SOX5: variants seen among roughly 807,000 people sequenced by gnomAD.
The protein encoded by SOX5 is transcription factor SOX-5.
A neutral mutation model predicts 92.0 loss-of-function variants in SOX5; 9 were observed. That is an observed-to-expected ratio of 0.10 (90% CI 0.06 to 0.17). The LOEUF is 0.17. Ranked by LOEUF, SOX5 falls within the 10% of genes least tolerant of loss-of-function variation. The pLI is 1.00. For missense variants in SOX5, 642 were observed against 944.5 expected (o/e 0.68, Z 4.20); for synonymous variants, 344 against 336.3 (o/e 1.02, Z -0.25).
At chr12:23,777,615 A>T (rs1460471329) in intron 3 of SOX5, among the ~76,000 whole-genome samples, 1 of 152,192 alleles carries the variant, frequency 6.6e-6, no homozygotes, top group Non-Finnish European at 1.5e-5. Flanking sequence ...TTATATATGC[A>T]TGCATATATT....
At chr12:24,283,675 T>A (rs1451475553) in intron 2 of SOX5, among the ~76,000 whole-genome samples, 6 of 152,204 alleles carry the variant, frequency 3.9e-5, no homozygotes, top group African/African-American at 1.4e-4. Flanking sequence ...ACATGTTAAT[T>A]CAAATAACTA....
chr12:24,051,146 T>C (rs1024874765), intron 4 of SOX5, among the ~76,000 whole-genome samples: 1 of 152,160 alleles, frequency 6.6e-6, no homozygotes, highest in Non-Finnish European at 1.5e-5. Flanking sequence ...ATTGAAAAGA[T>C]TATTAAAGAT....
intron 4 of SOX5, among the ~76,000 whole-genome samples, chr12:24,167,252 A>G (rs1482280494): frequency 1.3e-5 from 2 of 152,208 alleles, no homozygotes; most frequent in African/African-American, 4.8e-5. Flanking sequence ...GGGATGTGAT[A>G]CATAATATGT....
intron 1 of SOX5, among the ~76,000 whole-genome samples, chr12:23,922,879 A>G (rs369257113): frequency 6.6e-6 from 1 of 152,188 alleles, no homozygotes; most frequent in Admixed American, 6.5e-5. Flanking sequence ...AACGGGTAGA[A>G]AGAAGATTCT....
At chr12:23,658,867 T>A (rs1029684379) in intron 7 of SOX5, among the ~76,000 whole-genome samples, 38 of 152,300 alleles carry the variant, frequency 2.5e-4, no homozygotes, top group African/African-American at 9.1e-4. Flanking sequence ...CACTCCAGCC[T>A]GGGCAACAGA....
chr12:24,040,829 C>T (rs934411167), intron 4 of SOX5, among the ~76,000 whole-genome samples: 4 of 151,994 alleles, frequency 2.6e-5, no homozygotes, highest in African/African-American at 9.7e-5. Context: ...GCCGAGATTG[C>T]ACCACTGCAC....
intron 2 of SOX5, among the ~76,000 whole-genome samples, chr12:24,324,627 A>T (rs1267246448): frequency 6.6e-6 from 1 of 152,148 alleles, no homozygotes; most frequent in African/African-American, 2.4e-5. Context: ...CATAGTAGTT[A>T]AAAGCCCAAA....
chr12:23,719,089 G>A (rs995866905), intron 6 of SOX5, among the ~76,000 whole-genome samples: 7 of 152,186 alleles, frequency 4.6e-5, no homozygotes, highest in African/African-American at 1.7e-4. Flanking sequence ...TAGTATGAAA[G>A]TAACTCAAGA....
At chr12:23,554,598 A>T (rs1316198896) in intron 11 of SOX5, among the ~76,000 whole-genome samples, 1 of 152,190 alleles carries the variant, frequency 6.6e-6, no homozygotes, top group African/African-American at 2.4e-5. Context: ...TACATTACAG[A>T]GTGAGAACAA....
chr12:23,544,754 C>T (rs544779593), intron 12 of SOX5, among the ~76,000 whole-genome samples: 8 of 152,266 alleles, frequency 5.3e-5, no homozygotes, highest in East Asian at 1.9e-4. Flanking sequence ...TTTTATCATG[C>T]TAATACAACT....
chr12:23,717,407 AT>A (rs145012971), intron 6 of SOX5, among the ~76,000 whole-genome samples: 1 of 151,834 alleles, frequency 6.6e-6, no homozygotes, highest in Non-Finnish European at 1.5e-5. Context: ...CTCAACCATA[AT>A]TTTTTTTCTT....
At chr12:24,459,582 T>C (rs1209165117) in intron 1 of SOX5, among the ~76,000 whole-genome samples, 1 of 152,066 alleles carries the variant, frequency 6.6e-6, no homozygotes, top group Non-Finnish European at 1.5e-5. Flanking sequence ...GAGAGATGAG[T>C]TCTGGGTTCC....
chr12:23,962,195 C>G (rs76923019), intron 4 of SOX5, among the ~76,000 whole-genome samples: 2 of 149,822 alleles, frequency 1.3e-5, no homozygotes, highest in South Asian at 2.1e-4. Flanking sequence ...TAAGAAAGAA[C>G]AAACACCACA....
intron 4 of SOX5, among the ~76,000 whole-genome samples, chr12:24,138,007 C>G (rs760463494): frequency 6.6e-6 from 1 of 152,206 alleles, no homozygotes; most frequent in Non-Finnish European, 1.5e-5. Flanking sequence ...TGGCAAGGAA[C>G]TTGCGTATAG....
chr12:23,754,176 G>A (rs1303510342), intron 4 of SOX5, among the ~76,000 whole-genome samples: 1 of 151,788 alleles, frequency 6.6e-6, no homozygotes, highest in East Asian at 1.9e-4. Context: ...CACTGCTGTT[G>A]CTGCTTTTAA....
At chr12:23,618,016 C>A (rs1467965080) in intron 8 of SOX5, among the ~76,000 whole-genome samples, 3 of 152,134 alleles carry the variant, frequency 2.0e-5, no homozygotes, top group African/African-American at 7.2e-5. Context: ...CCTTTTTATG[C>A]CGCTCCAGAC....
At chr12:23,811,227 C>G (rs2095870371) in intron 3 of SOX5, among the ~76,000 whole-genome samples, 1 of 151,952 alleles carries the variant, frequency 6.6e-6, no homozygotes, top group Non-Finnish European at 1.5e-5. Flanking sequence ...GATTATTCAC[C>G]CCCTACACAG....
chr12:23,584,636 G>A (rs969176751), intron 9 of SOX5: 2 of 1,525,864 alleles, frequency 1.3e-6, no homozygotes, highest in African/African-American at 2.7e-5. Context: ...AGTTACGACA[G>A]TTAACTGATA....
At chr12:24,123,397 T>A (rs1248645910) in intron 4 of SOX5, among the ~76,000 whole-genome samples, 2 of 152,216 alleles carry the variant, frequency 1.3e-5, no homozygotes, top group African/African-American at 4.8e-5. Context: ...TTACATTGAA[T>A]ATACACACTA....
Sources: allele counts gnomAD v4.1 joint callset (sites outside exome capture counted in the v4.1 genomes callset), GRCh38; gene constraint gnomAD v4.1.1; transcripts MANE v1.5; gene names NCBI Gene and HGNC (gene_info 2026-07-23, HGNC 2026-07-21).